Variants in ZC3H11A observed in about 807,000 individuals in gnomAD.
ZC3H11A encodes the protein zinc finger CCCH-type containing 11A.
In ZC3H11A, 22 loss-of-function variants were observed where a neutral mutation model predicts 90.8. That is an observed-to-expected ratio of 0.24 (90% CI 0.17 to 0.35). The LOEUF (loss-of-function observed/expected upper bound fraction) is 0.35, where lower values mean the gene tolerates loss of function less well. Among genes scored for constraint, ZC3H11A ranks in the 10% least tolerant of loss-of-function variants. The pLI is 1.00. For synonymous variants in ZC3H11A, 294 were observed against 339.8 expected, an observed-to-expected ratio of 0.87 and a Z score of 1.48; for missense variants, 701 against 964.9, an observed-to-expected ratio of 0.73 and a Z score of 3.62.
chr1:203,830,616 T>C (rs1041496420), intron 8 of ZC3H11A, among the ~76,000 whole-genome samples: 1 of 152,002 alleles, frequency 6.6e-6, no homozygotes, highest in African/African-American at 2.4e-5. Flanking sequence ...ATCCAGACCA[T>C]CCTGGCCAAC....
intron 12 of ZC3H11A, among the ~76,000 whole-genome samples, chr1:203,846,223 A>C (rs1687879147): frequency 6.6e-6 from 1 of 151,576 alleles, no homozygotes; most frequent in African/African-American, 2.4e-5. Context: ...TGATCTCCAA[A>C]TTATCATTTA....
At chr1:203,847,740 G>A in intron 13 of ZC3H11A, 53 bp downstream of exon 13, 2 of 1,568,916 alleles carry the variant, frequency 1.3e-6, no homozygotes, top group East Asian at 2.2e-5. Flanking sequence ...TATTCCAGAG[G>A]AGTGTTCCGT....
chr1:203,813,579 A>G (rs142454602), intron 2 of ZC3H11A, among the ~76,000 whole-genome samples: 110 of 152,272 alleles, frequency 7.2e-4, no homozygotes, highest in Non-Finnish European at 1.5e-3. Context: ...TGTTATCTGT[A>G]TTAGTTCCTA....
intron 4 of ZC3H11A, among the ~76,000 whole-genome samples, chr1:203,822,145 G>C (rs1348465078): frequency 1.3e-5 from 2 of 152,112 alleles, no homozygotes; most frequent in African/African-American, 2.4e-5. Context: ...ACTTAGTCTA[G>C]ACTTCTCCTT....
In ZC3H11A at chr1:203,847,576, C is replaced by A; in HGVS notation, c.1435C>A (p.Leu479Met). The change falls in exon 13 of 18, where the codon CTG becomes ATG. Residue 479 changes from leucine to methionine, a missense_variant. By Grantham distance (15) the Leu-to-Met change is conservative. Transcript: ENST00000367210. ...VHIKTLEEIK[L>M]EKALRVQQSS... ...CATCAAGACGCTGGAAGAAATTAAA[C>A]TGGAGAAGGCACTGAGGGTGCAGCA... The A allele has an allele frequency of 2.5e-6, 4 of 1,613,830 alleles. No homozygotes were observed. The highest frequency in any genetic ancestry group is 3.4e-6 in the Non-Finnish European group (4 of 1,179,904).
chr1:203,812,393 G>A (rs936077360), intron 2 of ZC3H11A, among the ~76,000 whole-genome samples: 1 of 152,030 alleles, frequency 6.6e-6, no homozygotes, highest in African/African-American at 2.4e-5. Flanking sequence ...TCCTGTTTCT[G>A]CATTAGTTTG....
intron 12 of ZC3H11A, among the ~76,000 whole-genome samples, chr1:203,846,158 T>TG (rs1465451312): frequency 4.4e-5 from 6 of 137,810 alleles, no homozygotes; most frequent in Non-Finnish European, 9.6e-5. Context: ...ATATAATTTT[T>TG]TTGGGGGGGG....
At chr1:203,812,153 G>A (rs36030067) in intron 2 of ZC3H11A, among the ~76,000 whole-genome samples, 2 of 152,082 alleles carry the variant, frequency 1.3e-5, no homozygotes, top group African/African-American at 4.8e-5. Flanking sequence ...ACATGTGCAG[G>A]ATGTGCAGGT....
chr1:203,799,394 G>C, intron 1 of ZC3H11A: 1 of 703,228 alleles, frequency 1.4e-6, no homozygotes, highest in East Asian at 2.7e-5. Flanking sequence ...AGGCCCGTCA[G>C]ATACTGCAAG....
intron 12 of ZC3H11A, 44 bp downstream of exon 12, chr1:203,840,418 C>G: frequency 3.8e-6 from 6 of 1,568,928 alleles, no homozygotes; most frequent in Non-Finnish European, 5.2e-6. Flanking sequence ...TTTTTCTTTG[C>G]TGTAAGAGCC....
intron 3 of ZC3H11A, 57 bp downstream of exon 3, chr1:203,817,181 T>C: frequency 7.0e-7 from 1 of 1,432,068 alleles, no homozygotes; most frequent in Non-Finnish European, 9.5e-7. Context: ...TAGAATTGGA[T>C]AAGATTTTCC....
chr1:203,824,432 T>G (rs1437923519), intron 4 of ZC3H11A, among the ~76,000 whole-genome samples: 1 of 152,180 alleles, frequency 6.6e-6, no homozygotes, highest in Admixed American at 6.5e-5. Flanking sequence ...ACCCCTTCTG[T>G]GTGCAATTCA....
chr1:203,833,715 A>G, intron 9 of ZC3H11A, 76 bp from the exon 10 acceptor site: 2 of 1,309,324 alleles, frequency 1.5e-6, no homozygotes, highest in Non-Finnish European at 2.1e-6. Flanking sequence ...ATCAGAACAT[A>G]CTTTGTACCC....
rs1689541025 is a variant in ZC3H11A, at chr1:203,852,583, A to T, written c.*184A>T. 1.5e-6 allele frequency: 1 copy of T among 669,424 alleles called. No individual in the cohort carries two copies. Among genetic ancestry groups the T allele is most frequent in the South Asian group, 2.0e-5 (1 of 49,850 alleles). 41.5% of individuals were successfully genotyped at this position (669,424 alleles called of 1,614,324 possible). On this transcript the variant is annotated 3_prime_UTR_variant, in exon 18 of 18. Coordinates refer to ENST00000367210, the MANE Select transcript of ZC3H11A (RefSeq NM_001376342.1). ...GGGGTCAGATTTTTAAAGTTACTTT[A>T]TAACCATTTTGTCCATTTGATGCCA...
At chr1:203,822,552 A>G (rs181927818) in intron 4 of ZC3H11A, among the ~76,000 whole-genome samples, 2 of 152,186 alleles carry the variant, frequency 1.3e-5, no homozygotes, top group Non-Finnish European at 2.9e-5. Context: ...ACTCTGTACC[A>G]GGTTCCCTTG....
At chr1:203,809,180 T>TG (rs1175014447) in intron 2 of ZC3H11A, among the ~76,000 whole-genome samples, 1 of 140,758 alleles carries the variant, frequency 7.1e-6, no homozygotes, top group Non-Finnish European at 1.6e-5. Context: ...CTGTTTTTTT[T>TG]TTTTTTTTTT....
chr1:203,842,291 C>T (rs1014784323), intron 12 of ZC3H11A, among the ~76,000 whole-genome samples: 1 of 152,216 alleles, frequency 6.6e-6, no homozygotes, highest in South Asian at 2.1e-4. Context: ...CACGCCACTG[C>T]ACTCCAGCCT....
chr1:203,834,930 C>T (rs1221893441), intron 10 of ZC3H11A, among the ~76,000 whole-genome samples: 1 of 152,246 alleles, frequency 6.6e-6, no homozygotes, highest in Non-Finnish European at 1.5e-5. Context: ...AGGCATGAGC[C>T]ACTGCTCTGG....
At chr1:203,823,646 T>C (rs1235577699) in intron 4 of ZC3H11A, among the ~76,000 whole-genome samples, 3 of 152,222 alleles carry the variant, frequency 2.0e-5, no homozygotes, top group African/African-American at 7.2e-5. Context: ...GACAGTAGTC[T>C]AAGAGCTGCT....
Sources: allele counts gnomAD v4.1 joint callset (sites outside exome capture counted in the v4.1 genomes callset), GRCh38; gene constraint gnomAD v4.1.1; transcripts MANE v1.5; gene names NCBI Gene and HGNC (gene_info 2026-07-23, HGNC 2026-07-21).